The following IMMP1L variants were observed in gnomAD, a reference collection of about 807,000 sequenced individuals.
IMMP1L encodes the protein mitochondrial inner membrane protease subunit 1.
A neutral mutation model predicts 21.8 loss-of-function variants in IMMP1L; 24 were observed. The observed-to-expected ratio is 1.10, with a 90% CI of 0.80 to 1.55. IMMP1L has a LOEUF of 1.55. IMMP1L is among the 40% of genes most tolerant of loss of function. IMMP1L has a pLI of 0.00. For missense variants in IMMP1L, 195 were observed against 200.7 expected (o/e 0.97, Z 0.17); for synonymous variants, 46 against 62.8 (o/e 0.73, Z 1.26).
At chr11:31,471,051 C>T (rs929011676) in intron 1 of IMMP1L, among the ~76,000 whole-genome samples, 1 of 152,166 alleles carries the variant, frequency 6.6e-6, no homozygotes. Flanking sequence ...TGTTCTATTG[C>T]ACTGCAGGGT....
At position 31,470,431 on chromosome 11, in the gene IMMP1L, A is replaced by C. The variant is rs971926856; in HGVS notation, c.-29-7126T>G. Among the ~76,000 whole-genome samples the C allele has an allele frequency of 1.3e-4, 20 of 152,076 alleles. No individual in the cohort carries two copies. The East Asian group carries it at 1.9e-3, about 15-fold the overall frequency. On this transcript the variant is annotated intron_variant, in intron 1 of 5. Transcript: ENST00000532287. ...TCCATCTCAAAAAACAAAAAACAAA[A>C]AACAAAAAAAAAAAGAATCAGGCAA... is the stretch of plus-strand genomic sequence containing the variant.
At chr11:31,471,214 A>G (rs986129587) in intron 1 of IMMP1L, among the ~76,000 whole-genome samples, 1 of 152,198 alleles carries the variant, frequency 6.6e-6, no homozygotes, top group Non-Finnish European at 1.5e-5. Context: ...TCAAAATCAT[A>G]CTGTACCATA....
rs1191389215 is a variant in IMMP1L at position 31,463,231 on chromosome 11, T to C, written c.46A>G (p.Thr16Ala). 4 of 1,612,680 alleles carry C rather than the reference T, an allele frequency of 2.5e-6. No homozygotes were observed. The highest frequency in any genetic ancestry group is 1.7e-6 in the Non-Finnish European group (2 of 1,179,316). ...LGKTFRLVGY[T>A]IQYGCIAHCA... ...TGAGCTATACAGCCATATTGAATAG[T>C]ATAGCCAACAAGTCGAAAGGTTTTC... The change falls in exon 2 of 6, where the codon ACT (threonine) becomes GCT (alanine). Residue 16 changes from threonine to alanine, a missense_variant. By Grantham distance (58) the Thr-to-Ala change is moderately conservative. Transcript: ENST00000532287.
At chr11:31,491,759 G>A (rs901722623) in intron 1 of IMMP1L, among the ~76,000 whole-genome samples, 4 of 152,178 alleles carry the variant, frequency 2.6e-5, no homozygotes, top group African/African-American at 7.2e-5. Flanking sequence ...TGACTAATGG[G>A]TCCAAATCAA....
chr11:31,457,467 T>C (rs1953985606), intron 3 of IMMP1L, among the ~76,000 whole-genome samples: 1 of 152,216 alleles, frequency 6.6e-6, no homozygotes, highest in Admixed American at 6.5e-5. Context: ...TTTAACATAT[T>C]TGCTTATTAA....
intron 1 of IMMP1L, among the ~76,000 whole-genome samples, chr11:31,502,089 G>GA (rs1955639197): frequency 6.6e-6 from 1 of 152,042 alleles, no homozygotes; most frequent in Admixed American, 6.6e-5. Flanking sequence ...AAGTCAGAGA[G>GA]AAAAAATCCG....
intron 4 of IMMP1L, among the ~76,000 whole-genome samples, chr11:31,434,672 ACGT>A (rs1953058747): frequency 6.6e-6 from 1 of 152,194 alleles, no homozygotes; most frequent in Admixed American, 6.5e-5. Flanking sequence ...AATTTCACTT[ACGT>A]AAGCGATTTT....
chr11:31,473,435 A>G (rs1016725122), intron 1 of IMMP1L, among the ~76,000 whole-genome samples: 3 of 152,216 alleles, frequency 2.0e-5, no homozygotes, highest in African/African-American at 4.8e-5. Context: ...ATTAGAGGCC[A>G]GGCCAGAATT....
chr11:31,463,314 A>G lies in IMMP1L; in HGVS notation c.-29-9T>C. On this transcript the variant is annotated splice_polypyrimidine_tract_variant and intron_variant, in intron 1 of 5. Transcript: ENST00000532287. ...ACTCTGCCACCATTGGCCTGATGGTAAATTTCAAAAAGTTTCATGATCAAT... is the reference window on the plus strand; with the variant it reads ...ACTCTGCCACCATTGGCCTGATGGTGAATTTCAAAAAGTTTCATGATCAAT... 2 of 1,566,524 alleles carry G rather than the reference A, an allele frequency of 1.3e-6. No homozygotes were observed. The highest frequency in any genetic ancestry group is 1.7e-6 in the Non-Finnish European group (2 of 1,164,498).
chr11:31,460,178 TA>T (rs1258872956), intron 3 of IMMP1L, among the ~76,000 whole-genome samples: 1 of 151,978 alleles, frequency 6.6e-6, no homozygotes, highest in South Asian at 2.1e-4. Context: ...TCAGAAAATT[TA>T]AAAAAATAAA....
At chr11:31,487,571 G>A (rs1309347264) in intron 1 of IMMP1L, among the ~76,000 whole-genome samples, 1 of 152,106 alleles carries the variant, frequency 6.6e-6, no homozygotes, top group Non-Finnish European at 1.5e-5. Context: ...CACACTGTGA[G>A]TACTAGAAAA....
intron 1 of IMMP1L, among the ~76,000 whole-genome samples, chr11:31,496,130 A>C (rs1350086000): frequency 2.0e-5 from 3 of 152,018 alleles, no homozygotes; most frequent in African/African-American, 7.2e-5. Context: ...AAAAAAAAAA[A>C]CAAAGCCATT....
chr11:31,502,645 T>C (rs1043867415), intron 1 of IMMP1L, among the ~76,000 whole-genome samples: 1 of 152,210 alleles, frequency 6.6e-6, no homozygotes, highest in Non-Finnish European at 1.5e-5. Context: ...TCAGCAGAAA[T>C]GTCCACGATA....
At chr11:31,498,687 T>TG (rs1211578809) in intron 1 of IMMP1L, among the ~76,000 whole-genome samples, 19 of 152,236 alleles carry the variant, frequency 1.2e-4, no homozygotes, top group Non-Finnish European at 2.8e-4. Flanking sequence ...GATAAGAGTA[T>TG]GAATTCTGTA....
At chr11:31,454,001 T>C (rs1953850474) in intron 4 of IMMP1L, among the ~76,000 whole-genome samples, 1 of 152,182 alleles carries the variant, frequency 6.6e-6, no homozygotes, top group African/African-American at 2.4e-5. Context: ...TTTAGCCTCC[T>C]TCTTTAGATT....
intron 4 of IMMP1L, among the ~76,000 whole-genome samples, chr11:31,438,520 C>T (rs1186575864): frequency 1.3e-5 from 2 of 151,974 alleles, no homozygotes; most frequent in African/African-American, 4.8e-5. Context: ...TTGCTGAGGT[C>T]CAATTCATAC....
intron 4 of IMMP1L, among the ~76,000 whole-genome samples, chr11:31,442,218 G>A (rs960072674): frequency 1.1e-4 from 17 of 152,078 alleles, no homozygotes; most frequent in Non-Finnish European, 2.1e-4. Context: ...TCTCAGGGCT[G>A]GACAAAAGAA....
At chr11:31,470,677 A>G (rs1414859206) in intron 1 of IMMP1L, among the ~76,000 whole-genome samples, 1 of 152,206 alleles carries the variant, frequency 6.6e-6, no homozygotes, top group Non-Finnish European at 1.5e-5. Context: ...CTGCACTCCT[A>G]TGTTTATTGC....
chr11:31,446,623 C>T (rs575164107), intron 4 of IMMP1L, among the ~76,000 whole-genome samples: 3 of 152,296 alleles, frequency 2.0e-5, no homozygotes, highest in Admixed American at 1.3e-4. Context: ...TACACTGGAA[C>T]TCTTACTTTT....
Sources: gnomAD v4.1 joint callset for allele counts (sites outside exome capture counted in the v4.1 genomes callset) on GRCh38, gnomAD v4.1.1 for gene constraint, MANE v1.5 for transcripts, NCBI Gene and HGNC (gene_info 2026-07-23, HGNC 2026-07-21) for gene names.